Variants in HSD17B14 observed in about 807,000 individuals in gnomAD.
HSD17B14 encodes the protein L-fucose dehydrogenase.
In HSD17B14, 32 loss-of-function variants were observed where a neutral mutation model predicts 32.2. The observed-to-expected ratio is 0.99, with a 90% confidence interval of 0.75 to 1.33. HSD17B14 has a LOEUF of 1.33. Among genes scored for constraint, HSD17B14 ranks in the 40% most tolerant of loss-of-function variants. The pLI is 0.00. For missense variants in HSD17B14, 370 were observed against 366.5 expected, an observed-to-expected ratio of 1.01 and a Z score of -0.08; for synonymous variants, 140 against 155.4, an observed-to-expected ratio of 0.90 and a Z score of 0.74.
chr19:48,829,311 C>G (rs2035298502), intron 5 of HSD17B14, among the ~76,000 whole-genome samples: 1 of 151,646 alleles, frequency 6.6e-6, no homozygotes, highest in East Asian at 2.0e-4. Flanking sequence ...ACCTCAGCCT[C>G]CCGTGTAGCT....
intron 5 of HSD17B14, among the ~76,000 whole-genome samples, chr19:48,820,345 C>T (rs2035125578): frequency 6.6e-6 from 1 of 151,848 alleles, no homozygotes; most frequent in Non-Finnish European, 1.5e-5. Flanking sequence ...TGGCACATAC[C>T]TGTAATCCCA....
At chr19:48,818,768 G>A (rs972607818) in intron 5 of HSD17B14, among the ~76,000 whole-genome samples, 2 of 151,988 alleles carry the variant, frequency 1.3e-5, no homozygotes, top group African/African-American at 4.8e-5. Context: ...GGGAGACTGA[G>A]GTGGGAGGAT....
intron 5 of HSD17B14, among the ~76,000 whole-genome samples, chr19:48,829,276 G>A (rs2035297880): frequency 6.6e-6 from 1 of 150,660 alleles, no homozygotes; most frequent in African/African-American, 2.4e-5. Context: ...GCAGCCTCCA[G>A]CTCCCAGGTT....
chr19:48,824,408 C>A (rs907293678), intron 5 of HSD17B14, among the ~76,000 whole-genome samples: 3 of 148,208 alleles, frequency 2.0e-5, no homozygotes, highest in Middle Eastern at 3.4e-3. Context: ...TGCTCACCAG[C>A]TGGGAAGACA....
At chr19:48,824,978 C>T (rs1381096236) in intron 5 of HSD17B14, among the ~76,000 whole-genome samples, 1 of 151,892 alleles carries the variant, frequency 6.6e-6, no homozygotes, top group African/African-American at 2.4e-5. Context: ...TGCGGTGGCT[C>T]ACGCCTCCCA....
chr19:48,827,142 A>G lies in HSD17B14; in HGVS notation c.369+4526T>C, dbSNP rs572307817. Among the ~76,000 whole-genome samples the G allele has an allele frequency of 2.7e-5, 4 of 150,004 alleles. No individual in the cohort carries two copies. In the South Asian group the frequency reaches 8.4e-4, roughly 32 times the overall value. On this transcript the variant is annotated intron_variant, in intron 5 of 8. Transcript: ENST00000263278. ...ACCTCAACCTCTGCCTCCTGGGTTC[A>G]TGAGATTGTCCTGCCTCAGCCTCAT...
intron 5 of HSD17B14, among the ~76,000 whole-genome samples, chr19:48,822,031 G>A (rs2035159890): frequency 6.6e-6 from 1 of 151,472 alleles, no homozygotes; most frequent in Non-Finnish European, 1.5e-5. Context: ...GGTGATGGTG[G>A]TGATGGTGAT....
At chr19:48,828,012 G>A (rs2101645) in intron 5 of HSD17B14, among the ~76,000 whole-genome samples, 36,391 of 151,638 alleles carry the variant, frequency 0.24, 4,417 homozygotes, top group East Asian at 0.3. Flanking sequence ...CCGCCACCGC[G>A]CCCAGCTAAT....
At chr19:48,830,740 C>G (rs1450805816) in intron 5 of HSD17B14, among the ~76,000 whole-genome samples, 1 of 152,070 alleles carries the variant, frequency 6.6e-6, no homozygotes, top group Non-Finnish European at 1.5e-5. Context: ...CCAGGCTAGT[C>G]TCGAATTCCT....
At chr19:48,820,984 G>A (rs1173619957) in intron 5 of HSD17B14, among the ~76,000 whole-genome samples, 2 of 151,330 alleles carry the variant, frequency 1.3e-5, no homozygotes, top group Non-Finnish European at 1.5e-5. Context: ...TTACAGGCGT[G>A]AGCCACCCCA....
chr19:48,822,846 T>C (rs916394826), intron 5 of HSD17B14, among the ~76,000 whole-genome samples: 1 of 148,556 alleles, frequency 6.7e-6, no homozygotes, highest in African/African-American at 2.5e-5. Flanking sequence ...GAAGATGGTG[T>C]TGATGGTGAT....
At chr19:48,832,223 A>G (rs1215474698) in intron 4 of HSD17B14, among the ~76,000 whole-genome samples, 1 of 151,564 alleles carries the variant, frequency 6.6e-6, no homozygotes, top group East Asian at 1.9e-4. Flanking sequence ...TACTAAAAAT[A>G]TAAAAATTAG....
chr19:48,833,472 AC>A (rs1309788785), intron 3 of HSD17B14, among the ~76,000 whole-genome samples: 11 of 152,018 alleles, frequency 7.2e-5, no homozygotes. Flanking sequence ...TGGGCGGATC[AC>A]CTGAGGTCAG....
At position 48,836,385 on chromosome 19, in the gene HSD17B14, C is replaced by G; in HGVS notation, c.27G>C (p.Gly9=). The change falls in exon 1 of 9, where the codon GGG becomes GGC. Residue 9 remains glycine, a synonymous_variant. Coordinates refer to ENST00000263278, the MANE Select transcript of HSD17B14 (RefSeq NM_016246.3). The part of the protein sequence containing the change: MATGTRYA[G]KVVVVTGGGR... ...CGCCCCCGGTCACGACCACCACCTT[C>G]CCGGCATAGCGCGTTCCCGTAGCCA... 5 of 1,613,944 alleles carry G rather than the reference C, an allele frequency of 3.1e-6. No homozygotes were observed. The highest frequency in any genetic ancestry group is 4.2e-6 in the Non-Finnish European group (5 of 1,179,990).
At chr19:48,819,429 G>T (rs2035110298) in intron 5 of HSD17B14, among the ~76,000 whole-genome samples, 1 of 152,050 alleles carries the variant, frequency 6.6e-6, no homozygotes, top group Non-Finnish European at 1.5e-5. Context: ...TCAAATACCT[G>T]CCACAGCTCC....
intron 5 of HSD17B14, among the ~76,000 whole-genome samples, chr19:48,828,286 G>C (rs2035283928): frequency 6.6e-6 from 1 of 152,168 alleles, no homozygotes; most frequent in Non-Finnish European, 1.5e-5. Context: ...TTGAACTATA[G>C]AGTGTGTGAC....
At chr19:48,814,153 C>A (rs2035011203) in intron 6 of HSD17B14, among the ~76,000 whole-genome samples, 1 of 151,188 alleles carries the variant, frequency 6.6e-6, no homozygotes, top group African/African-American at 2.4e-5. Context: ...TGAGATCATG[C>A]CACCACACTG....
intron 5 of HSD17B14, among the ~76,000 whole-genome samples, chr19:48,821,832 T>C (rs555714113): frequency 1.3e-5 from 2 of 151,918 alleles, no homozygotes; most frequent in East Asian, 3.9e-4. Context: ...ATGGTGAAGA[T>C]GGTGATGATG....
chr19:48,813,403 GC>G (rs745906630), intron 8 of HSD17B14, 52 bp downstream of exon 8: 4 of 1,557,666 alleles, frequency 2.6e-6, no homozygotes, highest in Non-Finnish European at 3.5e-6. Context: ...TGATCGCCAT[GC>G]CCCCCACCCC....
Sources: allele counts gnomAD v4.1 joint callset (sites outside exome capture counted in the v4.1 genomes callset), GRCh38; gene constraint gnomAD v4.1.1; transcripts MANE v1.5; gene names NCBI Gene and HGNC (gene_info 2026-07-23, HGNC 2026-07-21).